The following PTBP2 variants were observed in gnomAD, a reference collection of about 807,000 sequenced individuals.
PTBP2 encodes polypyrimidine tract binding protein 2.
PTBP2 carries 13 observed loss-of-function variants against 61.4 expected under a neutral mutation model. That is an observed-to-expected ratio of 0.21 (90% confidence interval 0.14 to 0.34). The LOEUF (loss-of-function observed/expected upper bound fraction) is 0.34, where lower values mean the gene tolerates loss of function less well. Among genes scored for constraint, PTBP2 ranks in the 10% least tolerant of loss-of-function variants. The probability of loss-of-function intolerance (pLI) is 1.00; values close to 1 mark genes in which losing one functional copy is unlikely to be tolerated. For missense variants in PTBP2, 405 were observed against 642.6 expected (o/e 0.63, Z 4.00); for synonymous variants, 215 against 218.5 (o/e 0.98, Z 0.14).
At chr1:96,820,410 C>G (rs1349215532) in exon 14 of PTBP2, 1 of 152,032 alleles carries the variant, frequency 6.6e-6, no homozygotes, top group East Asian at 1.9e-4. Context: ...TATTAGGGAA[C>G]AATTTAAGCA....
At chr1:96,793,322 G>A (rs1660042735) in intron 8 of PTBP2, among the ~76,000 whole-genome samples, 1 of 152,090 alleles carries the variant, frequency 6.6e-6, no homozygotes, top group African/African-American at 2.4e-5. Flanking sequence ...AAAAACATTG[G>A]AAGAGCTAAA....
downstream of PTBP2, chr1:96,818,516 C>G (rs1420621154): frequency 1.3e-5 from 2 of 151,976 alleles, no homozygotes; most frequent in Non-Finnish European, 2.9e-5. Context: ...TCTTCAAATC[C>G]TAGAACCTCC....
chr1:96,747,976 C>G (rs1379782186), intron 2 of PTBP2, among the ~76,000 whole-genome samples: 1 of 151,646 alleles, frequency 6.6e-6, no homozygotes, highest in African/African-American at 2.4e-5. Flanking sequence ...TGAGTCAGGG[C>G]TTTTGCAAGT....
intron 2 of PTBP2, among the ~76,000 whole-genome samples, chr1:96,734,653 T>G (rs1032775063): frequency 6.6e-6 from 1 of 152,006 alleles, no homozygotes; most frequent in African/African-American, 2.4e-5. Context: ...ATAGACTACA[T>G]TTACTGATTG....
At chr1:96,785,278 A>G (rs1659090250) in intron 8 of PTBP2, 24 bp downstream of exon 8, 2 of 1,501,676 alleles carry the variant, frequency 1.3e-6, no homozygotes, top group Non-Finnish European at 8.9e-7. Flanking sequence ...TGTCTTAACC[A>G]CTTTTCTCCC....
chr1:96,754,944 A>C (rs1654992747), intron 3 of PTBP2, among the ~76,000 whole-genome samples: 3 of 152,338 alleles, frequency 2.0e-5, no homozygotes, highest in African/African-American at 4.8e-5. Context: ...TGGATTAAGC[A>C]GGAATGTATT....
chr1:96,794,783 A>G (rs1660197824), intron 8 of PTBP2, among the ~76,000 whole-genome samples: 1 of 152,252 alleles, frequency 6.6e-6, no homozygotes, highest in Middle Eastern at 3.4e-3. Context: ...ACAAAAGGAG[A>G]AATTGGGAGG....
At chr1:96,796,951 AAAG>A (rs1380362644) in intron 8 of PTBP2, among the ~76,000 whole-genome samples, 1 of 152,242 alleles carries the variant, frequency 6.6e-6, no homozygotes, top group Non-Finnish European at 1.5e-5. Context: ...AGATGTATCA[AAAG>A]AAGTTGCTAA....
intron 2 of PTBP2, among the ~76,000 whole-genome samples, chr1:96,748,074 C>T (rs1289935983): frequency 1.3e-5 from 2 of 152,068 alleles, no homozygotes; most frequent in African/African-American, 2.4e-5. Flanking sequence ...CACCTGGGTA[C>T]GTACCTTTCT....
chr1:96,734,137 A>G (rs561802608), intron 2 of PTBP2, among the ~76,000 whole-genome samples: 1 of 152,330 alleles, frequency 6.6e-6, no homozygotes, highest in South Asian at 2.1e-4. Flanking sequence ...TAAAACTATT[A>G]TAATGAATTT....
chr1:96,724,672 A>C (rs1650131356), intron 2 of PTBP2, among the ~76,000 whole-genome samples: 1 of 129,498 alleles, frequency 7.7e-6, no homozygotes, highest in Non-Finnish European at 1.6e-5. Context: ...AATTGTATCC[A>C]TAATGGGGGG....
Position 96,769,691 on chromosome 1 carries a change from A to G in PTBP2, c.116-12A>G. Reference sequence around the variant, plus strand: ...TGTTGATATATAAGGACTGTTTTTTAATGTCTTTCAGCCAATGGTAATGAT... The same window carrying G: ...TGTTGATATATAAGGACTGTTTTTTGATGTCTTTCAGCCAATGGTAATGAT... On this transcript the variant is annotated splice_polypyrimidine_tract_variant and intron_variant, in intron 3 of 13. Coordinates refer to ENST00000674951, the MANE Select transcript of PTBP2 (RefSeq NM_021190.4). 1 of 1,534,452 alleles carries G rather than the reference A, an allele frequency of 6.5e-7. No homozygotes were observed. The highest frequency in any genetic ancestry group is 8.8e-7 in the Non-Finnish European group (1 of 1,140,152).
intron 2 of PTBP2, among the ~76,000 whole-genome samples, chr1:96,728,581 T>C (rs1420863810): frequency 6.6e-6 from 1 of 152,212 alleles, no homozygotes; most frequent in Non-Finnish European, 1.5e-5. Flanking sequence ...GTCTTAATCA[T>C]TGTAGCTTTA....
At chr1:96,808,780 C>A (rs1045695846) in intron 11 of PTBP2, among the ~76,000 whole-genome samples, 1 of 151,682 alleles carries the variant, frequency 6.6e-6, no homozygotes, top group Non-Finnish European at 1.5e-5. Flanking sequence ...TGTACTGACA[C>A]CATCATTTCC....
intron 1 of PTBP2, 143 bp downstream of exon 1, chr1:96,722,015 A>C: frequency 1.9e-6 from 2 of 1,073,530 alleles, no homozygotes; most frequent in Admixed American, 2.3e-5. Context: ...CATCGCACAC[A>C]CCCCTCCCTT....
At chr1:96,722,036 G>T (rs1183150137) in intron 1 of PTBP2, among the ~76,000 whole-genome samples, 164 bp downstream of exon 1, 1 of 150,832 alleles carries the variant, frequency 6.6e-6, no homozygotes, top group Non-Finnish European at 1.5e-5. Flanking sequence ...TGCTTCCCCC[G>T]GCGGGCTTTG....
At chr1:96,775,940 A>G (rs1378332610) in intron 5 of PTBP2, among the ~76,000 whole-genome samples, 1 of 152,078 alleles carries the variant, frequency 6.6e-6, no homozygotes, top group Admixed American at 6.5e-5. Flanking sequence ...AGTATTGAAA[A>G]AAATACAGAC....
intron 8 of PTBP2, among the ~76,000 whole-genome samples, chr1:96,798,428 A>G (rs940830129): frequency 6.6e-6 from 1 of 152,262 alleles, no homozygotes; most frequent in Non-Finnish European, 1.5e-5. Context: ...AGAATTAGAA[A>G]GGGCTTTAGA....
At chr1:96,783,053 A>G (rs1469720578) in intron 7 of PTBP2, among the ~76,000 whole-genome samples, 1 of 152,010 alleles carries the variant, frequency 6.6e-6, no homozygotes, top group African/African-American at 2.4e-5. Context: ...CTTTGCTCCA[A>G]CAAGATCACC....
Sources: gnomAD v4.1 joint callset for allele counts (sites outside exome capture counted in the v4.1 genomes callset) on GRCh38, gnomAD v4.1.1 for gene constraint, MANE v1.5 for transcripts, NCBI Gene and HGNC (gene_info 2026-07-23, HGNC 2026-07-21) for gene names.